The following SLC25A12 variants were observed in gnomAD, a reference collection of about 807,000 sequenced individuals.
SLC25A12 encodes electrogenic aspartate/glutamate antiporter SLC25A12, mitochondrial.
SLC25A12 carries 32 observed loss-of-function variants against 83.3 expected under a neutral mutation model. The ratio of observed to expected loss-of-function variants is 0.38; its 90% CI spans 0.29 to 0.52. SLC25A12 has a LOEUF of 0.52. Ranked by LOEUF, SLC25A12 falls within the 20% of genes least tolerant of loss-of-function variation. The pLI is 0.84. For synonymous variants in SLC25A12, 267 were observed against 291.1 expected (o/e 0.92, Z 0.84); for missense variants, 611 against 835.6 (o/e 0.73, Z 3.31).
At chr2:171,845,931 A>G in intron 4 of SLC25A12, 1 of 380,968 alleles carries the variant, frequency 2.6e-6, no homozygotes, top group Admixed American at 3.1e-5. Flanking sequence ...CAAATTTAAA[A>G]AGCAAAGAAT....
At chr2:171,815,763 C>T (rs957086547) in intron 9 of SLC25A12, among the ~76,000 whole-genome samples, 3 of 152,034 alleles carry the variant, frequency 2.0e-5, no homozygotes, top group African/African-American at 7.2e-5. Context: ...AGGTATCCCA[C>T]AGCATAAAGA....
At chr2:171,831,695 CA>C (rs1213076773) in intron 8 of SLC25A12, among the ~76,000 whole-genome samples, 1 of 152,006 alleles carries the variant, frequency 6.6e-6, no homozygotes, top group Non-Finnish European at 1.5e-5. Context: ...CATCTGAGGT[CA>C]AAAGTTTGAG....
At chr2:171,873,168 G>A (rs142789666) in intron 2 of SLC25A12, among the ~76,000 whole-genome samples, 1,770 of 152,288 alleles carry the variant, frequency 0.012, 16 homozygotes, top group Middle Eastern at 0.061. Context: ...ACAGGGGAGG[G>A]CCGGATGCAG....
At chr2:171,850,673 C>T (rs952904878) in intron 4 of SLC25A12, among the ~76,000 whole-genome samples, 6 of 150,788 alleles carry the variant, frequency 4.0e-5, no homozygotes, top group African/African-American at 1.5e-4. Context: ...CCCAGCCAGG[C>T]TGGTCTTGAA....
At chr2:171,785,591 T>C (rs1690473511) in intron 17 of SLC25A12, 116 bp from the exon 18 acceptor site, 4 of 908,686 alleles carry the variant, frequency 4.4e-6, no homozygotes, top group East Asian at 2.5e-5. Flanking sequence ...CTCTCAACCA[T>C]TTCCATGGCA....
At chr2:171,885,348 T>G (rs531915803) in intron 2 of SLC25A12, among the ~76,000 whole-genome samples, 1 of 151,272 alleles carries the variant, frequency 6.6e-6, no homozygotes, top group Non-Finnish European at 1.5e-5. Context: ...TTTTTTTTAA[T>G]GAGAACTCTA....
intron 3 of SLC25A12, among the ~76,000 whole-genome samples, chr2:171,863,935 A>T (rs1176006175): frequency 1.3e-5 from 2 of 152,354 alleles, no homozygotes; most frequent in African/African-American, 4.8e-5. Flanking sequence ...TTTATAAATG[A>T]TATAAAATCT....
intron 2 of SLC25A12, among the ~76,000 whole-genome samples, chr2:171,891,723 A>G (rs1685943673): frequency 6.6e-6 from 1 of 152,262 alleles, no homozygotes; most frequent in Non-Finnish European, 1.5e-5. Flanking sequence ...CTATAATCAC[A>G]TGGTATGGTG....
chr2:171,867,099 AC>A (rs1215796751), intron 3 of SLC25A12, among the ~76,000 whole-genome samples: 3 of 148,720 alleles, frequency 2.0e-5, no homozygotes, highest in Admixed American at 2.0e-4. Flanking sequence ...GACGCTCCTC[AC>A]TTCCTAGATG....
rs2105912288 is a variant in SLC25A12 at position 171,863,656 on chromosome 2, C to T, written c.209+5025G>A. On this transcript the variant is annotated intron_variant, in intron 3 of 17. Transcript: ENST00000422440. ...TAGAGCAGATGGTCATAAAAGGAAA[C>T]ATTTGAAAATATATGGATATTCTGA... Among the ~76,000 whole-genome samples, 2 of 152,060 alleles carry T rather than the reference C, an allele frequency of 1.3e-5. 1 individual carries two copies. The highest frequency in any genetic ancestry group is 4.2e-4 in the South Asian group (2 of 4,818).
chr2:171,858,309 T>G (rs781511667), intron 3 of SLC25A12, among the ~76,000 whole-genome samples: 2 of 152,212 alleles, frequency 1.3e-5, no homozygotes, highest in South Asian at 4.1e-4. Context: ...GTATTTTTCA[T>G]GCAATTTCTG....
intron 11 of SLC25A12, among the ~76,000 whole-genome samples, chr2:171,811,040 T>C (rs1428276753): frequency 6.6e-6 from 1 of 152,244 alleles, no homozygotes; most frequent in East Asian, 1.9e-4. Flanking sequence ...TCAACATCTG[T>C]TGGGCTCAGC....
At chr2:171,856,037 C>A in intron 3 of SLC25A12, 88 bp from the exon 4 acceptor site, 1 of 789,394 alleles carries the variant, frequency 1.3e-6, no homozygotes, top group Admixed American at 1.8e-5. Flanking sequence ...AACTGTAGCT[C>A]AGGGTAACCA....
intron 2 of SLC25A12, among the ~76,000 whole-genome samples, chr2:171,886,826 T>A (rs1685833905): frequency 6.6e-6 from 1 of 152,232 alleles, no homozygotes; most frequent in South Asian, 2.1e-4. Flanking sequence ...TCTTATATTT[T>A]TACAAATATT....
chr2:171,851,030 G>A (rs949517673), intron 4 of SLC25A12, among the ~76,000 whole-genome samples: 1 of 152,168 alleles, frequency 6.6e-6, no homozygotes, highest in African/African-American at 2.4e-5. Context: ...TCAGTCAGAG[G>A]GTGAGGATGT....
At chr2:171,819,473 TAA>T (rs1684139640) in intron 9 of SLC25A12, among the ~76,000 whole-genome samples, 1 of 134,630 alleles carries the variant, frequency 7.4e-6, no homozygotes, top group Admixed American at 8.5e-5. Flanking sequence ...TTATATATAT[TAA>T]TATATATATA....
At chr2:171,788,056 A>C in intron 15 of SLC25A12, 109 bp from the exon 16 acceptor site, 4 of 1,082,150 alleles carry the variant, frequency 3.7e-6, no homozygotes, top group Non-Finnish European at 5.5e-6. Context: ...AGCGGAACTC[A>C]AAACTCTTTA....
chr2:171,850,449 AAT>A (rs1684904590), intron 4 of SLC25A12, among the ~76,000 whole-genome samples: 1 of 140,170 alleles, frequency 7.1e-6, no homozygotes, highest in Non-Finnish European at 1.5e-5. Context: ...GGGTTCAAGC[AAT>A]TCTTCTGCCT....
chr2:171,816,402 T>C (rs1558917207), intron 9 of SLC25A12, among the ~76,000 whole-genome samples: 2 of 152,068 alleles, frequency 1.3e-5, no homozygotes, highest in Non-Finnish European at 2.9e-5. Context: ...AATACCAAAA[T>C]CCATGGATGC....
Sources: gnomAD v4.1 joint callset for allele counts (sites outside exome capture counted in the v4.1 genomes callset) on GRCh38, gnomAD v4.1.1 for gene constraint, MANE v1.5 for transcripts, NCBI Gene and HGNC (gene_info 2026-07-23, HGNC 2026-07-21) for gene names.